COL24A1: variants seen among roughly 807,000 people sequenced by gnomAD.
The protein encoded by COL24A1 is collagen alpha-1(XXIV) chain.
A neutral mutation model predicts 253.9 loss-of-function variants in COL24A1; 224 were observed. The ratio of observed to expected loss-of-function variants is 0.88; its 90% confidence interval spans 0.79 to 0.99. COL24A1 has a LOEUF of 0.99. Ranked by LOEUF, COL24A1 falls within the 50% of genes least tolerant of loss-of-function variation. The pLI is 0.00. For synonymous variants in COL24A1, 685 were observed against 673.7 expected, an observed-to-expected ratio of 1.02 and a Z score of -0.26; for missense variants, 2,131 against 2,068.5, an observed-to-expected ratio of 1.03 and a Z score of -0.59.
chr1:85,889,722 A>G (rs1682905645), intron 31 of COL24A1, 109 bp from the exon 32 acceptor site: 2 of 840,026 alleles, frequency 2.4e-6, no homozygotes, highest in Non-Finnish European at 3.9e-6. Context: ...TTTTCTGTCT[A>G]TTGCTATTCT....
chr1:85,876,986 A>C, intron 33 of COL24A1, 136 bp downstream of exon 33: 1 of 545,460 alleles, frequency 1.8e-6, no homozygotes, highest in South Asian at 3.5e-5. Context: ...CTTTTAATGG[A>C]ATTTTAGTTT....
intron 43 of COL24A1, among the ~76,000 whole-genome samples, chr1:85,837,344 A>C (rs1205150507): frequency 6.6e-6 from 1 of 152,226 alleles, no homozygotes; most frequent in East Asian, 1.9e-4. Flanking sequence ...TTAGGGAGTG[A>C]AAGTTAATTT....
At chr1:86,021,232 C>G (rs1338629218) in intron 18 of COL24A1, among the ~76,000 whole-genome samples, 1 of 151,962 alleles carries the variant, frequency 6.6e-6, no homozygotes, top group Non-Finnish European at 1.5e-5. Context: ...AAATTATAAT[C>G]CTATATGTAT....
intron 1 of COL24A1, among the ~76,000 whole-genome samples, chr1:86,153,328 G>C (rs898485068): frequency 4.6e-5 from 7 of 151,918 alleles, no homozygotes; most frequent in African/African-American, 1.7e-4. Flanking sequence ...AGCAACTGTG[G>C]ATCTGTCATA....
chr1:85,941,021 G>C (rs1688711749), intron 24 of COL24A1, among the ~76,000 whole-genome samples: 1 of 152,086 alleles, frequency 6.6e-6, no homozygotes, highest in South Asian at 2.1e-4. Flanking sequence ...TTGAACTTAA[G>C]GTGTTATTAG....
At chr1:86,086,083 G>C (rs769486989) in intron 7 of COL24A1, among the ~76,000 whole-genome samples, 60 of 151,936 alleles carry the variant, frequency 3.9e-4, no homozygotes, top group Non-Finnish European at 7.4e-4. Flanking sequence ...AGGATTACTT[G>C]AGTTTGGTTT....
chr1:86,062,902 T>C (rs549030072), intron 8 of COL24A1, among the ~76,000 whole-genome samples: 8 of 152,236 alleles, frequency 5.3e-5, no homozygotes, highest in African/African-American at 7.2e-5. Context: ...TCTTCATTTA[T>C]AGCTTTCCCT....
intron 5 of COL24A1, among the ~76,000 whole-genome samples, chr1:86,106,667 G>A (rs1705010537): frequency 6.6e-6 from 1 of 152,036 alleles, no homozygotes; most frequent in African/African-American, 2.4e-5. Flanking sequence ...TCATTTAATA[G>A]ATAAATATGA....
intron 24 of COL24A1, among the ~76,000 whole-genome samples, chr1:85,925,493 G>C (rs1687084746): frequency 6.6e-6 from 1 of 152,122 alleles, no homozygotes; most frequent in Non-Finnish European, 1.5e-5. Context: ...CAATGGAACA[G>C]AACAGAGCCC....
At chr1:85,897,261 G>C (rs548301208) in intron 28 of COL24A1, among the ~76,000 whole-genome samples, 3 of 152,206 alleles carry the variant, frequency 2.0e-5, no homozygotes, top group South Asian at 2.1e-4. Context: ...GGGGGCCTCG[G>C]GGGAGGGAGT....
In COL24A1 at chr1:85,816,810, G is replaced by A; in HGVS notation, c.3929C>T (p.Pro1310Leu). ...GISGNPGKIG[P>L]PGKQGLPGIR... is the part of the protein sequence containing the mutation. The stretch of plus-strand genomic sequence containing the variant: ...CACAGGAAGTCCCTGTTTTCCTGGT[G>A]GCCCAATTTTTCCAGGGTTTCCTGA... The change falls in exon 47 of 60, where the codon CCA (proline) becomes CTA (leucine). Residue 1310 changes from proline (P) to leucine (L), a missense_variant. Coordinates refer to ENST00000370571, the MANE Select transcript of COL24A1 (RefSeq NM_152890.7). The A allele has an allele frequency of 1.2e-6, 2 of 1,613,886 alleles. No homozygotes were observed. The highest frequency in any genetic ancestry group is 3.3e-5 in the Admixed American group (2 of 60,024).
At chr1:85,982,260 T>G (rs182241546) in intron 20 of COL24A1, among the ~76,000 whole-genome samples, 1 of 152,098 alleles carries the variant, frequency 6.6e-6, no homozygotes, top group Non-Finnish European at 1.5e-5. Flanking sequence ...TGCCAGGGGC[T>G]GTGGGGAGGA....
chr1:86,099,930 T>TTA (rs1704297568), intron 5 of COL24A1, among the ~76,000 whole-genome samples: 1 of 151,668 alleles, frequency 6.6e-6, no homozygotes, highest in African/African-American at 2.4e-5. Context: ...GACCAAAATC[T>TTA]TTTTTTTAAA....
intron 47 of COL24A1, among the ~76,000 whole-genome samples, chr1:85,791,936 C>T (rs888895683): frequency 1.3e-5 from 2 of 152,072 alleles, no homozygotes; most frequent in Admixed American, 6.6e-5. Flanking sequence ...AAGAAACCCA[C>T]AGAGAAAGCA....
intron 7 of COL24A1, among the ~76,000 whole-genome samples, chr1:86,072,209 T>A (rs1383154460): frequency 1.3e-5 from 2 of 152,190 alleles, no homozygotes; most frequent in African/African-American, 4.8e-5. Context: ...CCAAGTGGTC[T>A]AGTTCAGTGG....
chr1:85,960,317 C>A (rs899946534), intron 24 of COL24A1, among the ~76,000 whole-genome samples: 6 of 152,114 alleles, frequency 3.9e-5, no homozygotes, highest in Non-Finnish European at 7.4e-5. Context: ...TAATTTTCCA[C>A]TTTATGTATG....
intron 51 of COL24A1, 54 bp from the exon 52 acceptor site, chr1:85,781,327 A>AC: frequency 1.6e-6 from 2 of 1,255,368 alleles, no homozygotes; most frequent in Non-Finnish European, 2.2e-6. Flanking sequence ...AAAAAAAAAA[A>AC]ACTCCACAGA....
rs551465291 is a variant in COL24A1, at chr1:86,115,922, TAATA to T, written c.1492-548_1492-545del. Among the ~76,000 whole-genome samples, 373 of 150,662 alleles carry T rather than the reference TAATA, an allele frequency of 2.5e-3. 1 individual carries two copies. Among genetic ancestry groups the T allele is most frequent in the African/African-American group, 8.8e-3 (365 of 41,354 alleles). On this transcript the variant is annotated intron_variant, in intron 3 of 59. Coordinates refer to ENST00000370571, the MANE Select transcript of COL24A1 (RefSeq NM_152890.7). ...CAATTGCAGCACACCAGGAAGTCAC[TAATA>T]GAGTTAAATGATTTATAAAATAAAG...
At chr1:86,006,437 T>C (rs1243024206) in intron 19 of COL24A1, among the ~76,000 whole-genome samples, 3 of 152,186 alleles carry the variant, frequency 2.0e-5, no homozygotes, top group African/African-American at 4.8e-5. Flanking sequence ...CAAACGGTGC[T>C]GAAATAACTG....
Sources: allele counts gnomAD v4.1 joint callset (sites outside exome capture counted in the v4.1 genomes callset), GRCh38; gene constraint gnomAD v4.1.1; transcripts MANE v1.5; gene names NCBI Gene and HGNC (gene_info 2026-07-23, HGNC 2026-07-21).